ERC2: variants seen among roughly 807,000 people sequenced by gnomAD.
ERC2 encodes ERC protein 2.
ERC2 carries 42 observed loss-of-function variants against 114.8 expected under a neutral mutation model. That is an observed-to-expected ratio of 0.37 (90% CI 0.29 to 0.47). The LOEUF (loss-of-function observed/expected upper bound fraction) is 0.47. ERC2 is among the 20% of genes least tolerant of loss of function. The pLI, the probability that ERC2 is intolerant of heterozygous loss-of-function variation, is 0.99. For synonymous variants in ERC2, 454 were observed against 425.5 expected (o/e 1.07, Z -0.82); for missense variants, 939 against 1,150.7 (o/e 0.82, Z 2.66).
At chr3:55,857,673 AATG>A (rs2061851077) in intron 14 of ERC2, among the ~76,000 whole-genome samples, 1 of 152,202 alleles carries the variant, frequency 6.6e-6, no homozygotes, top group African/African-American at 2.4e-5. Context: ...GTAAAGGGTA[AATG>A]ATGATGATTA....
rs1340317495 is a variant in ERC2, at chr3:55,726,547, T to C, written c.2712+8224A>G. On this transcript the variant is annotated intron_variant, in intron 15 of 17. Coordinates refer to ENST00000288221, the MANE Select transcript of ERC2 (RefSeq NM_015576.3). ...CTAGGATTCCATCCTTGTAGGTGGC[T>C]CTCCTGAACACATTCCAGGGCAGCC... Among the ~76,000 whole-genome samples, 3 of 152,220 alleles carry C rather than the reference T, an allele frequency of 2.0e-5. No individual in the cohort carries two copies. The East Asian group carries it at 5.8e-4, about 29-fold the overall frequency.
intron 6 of ERC2, among the ~76,000 whole-genome samples, chr3:56,115,947 C>T (rs1262276337): frequency 3.9e-5 from 6 of 152,182 alleles, no homozygotes; most frequent in African/African-American, 7.2e-5. Context: ...AGCCCTTAGG[C>T]CCCATGCAGA....
intron 17 of ERC2, among the ~76,000 whole-genome samples, chr3:55,607,632 T>G (rs1202187422): frequency 7.7e-6 from 1 of 130,520 alleles, no homozygotes; most frequent in South Asian, 2.5e-4. Context: ...TTTTTTTTTC[T>G]ATAAGAAGAG....
At chr3:56,141,604 T>A (rs902009090) in intron 5 of ERC2, among the ~76,000 whole-genome samples, 1 of 152,240 alleles carries the variant, frequency 6.6e-6, no homozygotes, top group Admixed American at 6.5e-5. Flanking sequence ...ATAGACATTT[T>A]ATTAGGCTTC....
intron 17 of ERC2, among the ~76,000 whole-genome samples, chr3:55,634,116 ATG>A (rs2059861450): frequency 1.3e-5 from 2 of 152,230 alleles, no homozygotes; most frequent in Admixed American, 6.5e-5. Flanking sequence ...TCCTCTTCCT[ATG>A]TATGTGGTTT....
intron 8 of ERC2, among the ~76,000 whole-genome samples, chr3:56,015,042 T>C (rs1278811037): frequency 6.6e-6 from 1 of 152,212 alleles, no homozygotes; most frequent in Non-Finnish European, 1.5e-5. Context: ...ATGTTTAAAT[T>C]GTTACAGGAT....
In ERC2 at chr3:55,959,711, G is replaced by A. The variant is rs544250090; in HGVS notation, c.2268-9151C>T. On this transcript the variant is annotated intron_variant, in intron 12 of 17. Transcript: ENST00000288221. Reference sequence around the variant, plus strand: ...TTGGCCTCCCATCTAGGTCTGGTGAGCCAGAGAGCACAGGGTGGTCATGTA... The same window carrying A: ...TTGGCCTCCCATCTAGGTCTGGTGAACCAGAGAGCACAGGGTGGTCATGTA... Among the ~76,000 whole-genome samples, 36 of 152,344 alleles carry A rather than the reference G, an allele frequency of 2.4e-4. 1 individual carries two copies. In the South Asian group the frequency reaches 7.1e-3, roughly 30 times the overall value.
Position 56,028,770 on chromosome 3 carries a change from T to C in ERC2, c.1642-9739A>G, listed in dbSNP as rs193217901. On this transcript the variant is annotated intron_variant, in intron 7 of 17. Coordinates refer to ENST00000288221, the MANE Select transcript of ERC2 (RefSeq NM_015576.3). ...TTGGGATTTTCTATGTGGACAACAA[T>C]GTCATCTTCAAAAAAGGATGACACT... Among the ~76,000 whole-genome samples, 397 of 152,162 alleles carry C rather than the reference T, an allele frequency of 2.6e-3. 2 individuals carry two copies. The highest frequency in any genetic ancestry group is 9.1e-3 in the African/African-American group (378 of 41,556).
At chr3:55,797,256 C>A (rs533916560) in intron 14 of ERC2, among the ~76,000 whole-genome samples, 1 of 152,156 alleles carries the variant, frequency 6.6e-6, no homozygotes, top group African/African-American at 2.4e-5. Flanking sequence ...AAACAAAATT[C>A]CAAAACTGAG....
At chr3:55,608,012 C>A (rs777508795) in intron 17 of ERC2, 10 of 152,212 alleles carry the variant, frequency 6.6e-5, no homozygotes, top group Admixed American at 2.0e-4. Context: ...AAACAAAAAA[C>A]CCCCTAAAGG....
At chr3:55,646,228 A>G (rs977447591) in intron 17 of ERC2, among the ~76,000 whole-genome samples, 10 of 152,184 alleles carry the variant, frequency 6.6e-5, no homozygotes, top group African/African-American at 2.2e-4. Context: ...ATTGCCCTGC[A>G]ATTCTTAATC....
intron 7 of ERC2, among the ~76,000 whole-genome samples, chr3:56,080,154 C>T (rs1017641995): frequency 2.0e-5 from 3 of 152,122 alleles, no homozygotes; most frequent in Admixed American, 2.0e-4. Context: ...AGGCAGGATA[C>T]TCAATGGCCC....
chr3:56,371,434 C>T (rs1251394015), intron 2 of ERC2, among the ~76,000 whole-genome samples: 3 of 152,226 alleles, frequency 2.0e-5, no homozygotes, highest in African/African-American at 7.2e-5. Flanking sequence ...AGCTTTCTCA[C>T]TCTACCACCT....
chr3:55,992,471 T>C (rs147635709), intron 10 of ERC2, among the ~76,000 whole-genome samples: 267 of 152,320 alleles, frequency 1.8e-3, no homozygotes, highest in East Asian at 3.9e-3. Context: ...GGGGAGTTTC[T>C]TCAATTATTG....
intron 17 of ERC2, chr3:55,658,483 C>A (rs1389013656): frequency 1.3e-5 from 2 of 152,204 alleles, no homozygotes. Flanking sequence ...TGGCTTGAGT[C>A]ATGTGCCCAT....
intron 17 of ERC2, among the ~76,000 whole-genome samples, chr3:55,587,119 A>T (rs1043741778): frequency 1.3e-5 from 2 of 152,142 alleles, no homozygotes; most frequent in Admixed American, 1.3e-4. Flanking sequence ...ATCATTATAT[A>T]ACTTGCCCCT....
chr3:55,802,758 G>A (rs1335647566), intron 14 of ERC2, among the ~76,000 whole-genome samples: 1 of 152,054 alleles, frequency 6.6e-6, no homozygotes, highest in Non-Finnish European at 1.5e-5. Context: ...GCAAGTTTAG[G>A]GGGAATTTTT....
intron 3 of ERC2, among the ~76,000 whole-genome samples, chr3:56,227,470 C>A (rs1477379736): frequency 3.3e-5 from 5 of 151,014 alleles, no homozygotes; most frequent in African/African-American, 9.7e-5. Context: ...TCCCTCCCTA[C>A]AAGGGCATAC....
chr3:55,677,330 T>G (rs1411353032), intron 17 of ERC2, among the ~76,000 whole-genome samples: 1 of 151,992 alleles, frequency 6.6e-6, no homozygotes, highest in Admixed American at 6.6e-5. Context: ...ATGCTTTAAG[T>G]AAGGCCTGCT....
Sources: allele counts gnomAD v4.1 joint callset (sites outside exome capture counted in the v4.1 genomes callset), GRCh38; gene constraint gnomAD v4.1.1; transcripts MANE v1.5; gene names NCBI Gene and HGNC (gene_info 2026-07-23, HGNC 2026-07-21).